The following TENM2 variants were observed in gnomAD, a reference collection of about 807,000 sequenced individuals.
The protein encoded by TENM2 is teneurin transmembrane protein 2.
A neutral mutation model predicts 245.2 loss-of-function variants in TENM2; 52 were observed. That is an observed-to-expected ratio of 0.21 (90% CI 0.17 to 0.27). TENM2 has a LOEUF of 0.27. TENM2 is among the 10% of genes least tolerant of loss of function. TENM2 has a pLI of 1.00. For synonymous variants in TENM2, 1,363 were observed against 1,438.9 expected, an observed-to-expected ratio of 0.95 and a Z score of 1.19; for missense variants, 3,046 against 3,666.8, an observed-to-expected ratio of 0.83 and a Z score of 4.37.
At chr5:167,712,068 G>C (rs188187789) in intron 2 of TENM2, among the ~76,000 whole-genome samples, 15 of 152,266 alleles carry the variant, frequency 9.9e-5, no homozygotes, top group Admixed American at 9.2e-4. Context: ...TATGAGAAGG[G>C]CTAGACTTTC....
At chr5:167,196,464 A>ATG in the TENM2 span, among the ~76,000 whole-genome samples, 1 of 149,536 alleles carries the variant, frequency 6.7e-6, no homozygotes, top group African/African-American at 2.5e-5. Context: ...GTATATATAT[A>ATG]TGTGTGTATA....
At chr5:167,889,224 C>T (rs1313166715) in intron 3 of TENM2, among the ~76,000 whole-genome samples, 1 of 152,142 alleles carries the variant, frequency 6.6e-6, no homozygotes, top group Non-Finnish European at 1.5e-5. Context: ...TCCCACCCCT[C>T]ACCCTCACTT....
the TENM2 span, among the ~76,000 whole-genome samples, chr5:167,052,097 T>C: frequency 5.3e-5 from 8 of 152,290 alleles, no homozygotes; most frequent in South Asian, 1.7e-3. Context: ...AAAGATAATG[T>C]TCGTTTAAAG....
intron 23 of TENM2, among the ~76,000 whole-genome samples, chr5:168,223,028 A>G (rs1390382903): frequency 7.2e-5 from 11 of 152,350 alleles, no homozygotes; most frequent in Admixed American, 5.9e-4. Flanking sequence ...TGGAACTTAC[A>G]GCGCTTCACT....
chr5:168,249,189 A>T (rs1361496213), intron 27 of TENM2, among the ~76,000 whole-genome samples: 1 of 151,986 alleles, frequency 6.6e-6, no homozygotes, highest in Admixed American at 6.6e-5. Flanking sequence ...ATGAAATGGT[A>T]TCTGCTTGTG....
intron 5 of TENM2, among the ~76,000 whole-genome samples, chr5:168,011,511 G>C (rs995637324): frequency 6.6e-6 from 1 of 152,130 alleles, no homozygotes; most frequent in Non-Finnish European, 1.5e-5. Flanking sequence ...GAAAATTCCT[G>C]CTCTAATTGA....
intron 8 of TENM2, among the ~76,000 whole-genome samples, chr5:168,096,090 G>A (rs1189153126): frequency 6.6e-6 from 1 of 152,176 alleles, no homozygotes; most frequent in Non-Finnish European, 1.5e-5. Flanking sequence ...ACTATACTGG[G>A]TAATAAGTAA....
At chr5:167,265,513 A>T in the TENM2 span, among the ~76,000 whole-genome samples, 1 of 152,026 alleles carries the variant, frequency 6.6e-6, no homozygotes, top group Non-Finnish European at 1.5e-5. Context: ...ACACATGCAA[A>T]ATTAACTCAA....
intron 5 of TENM2, among the ~76,000 whole-genome samples, chr5:168,035,708 G>C (rs1014135669): frequency 1.3e-5 from 2 of 152,110 alleles, no homozygotes; most frequent in Non-Finnish European, 2.9e-5. Flanking sequence ...TTCAAAGGCT[G>C]TTTCTGGGGC....
the TENM2 span, among the ~76,000 whole-genome samples, chr5:167,263,233 G>T: frequency 1.3e-5 from 2 of 152,320 alleles, no homozygotes; most frequent in Non-Finnish European, 2.9e-5. Flanking sequence ...CTATGTTAAT[G>T]TTTTATGTAA....
chr5:167,710,828 GT>G (rs1202090270), intron 2 of TENM2, among the ~76,000 whole-genome samples: 1 of 152,202 alleles, frequency 6.6e-6, no homozygotes, highest in Non-Finnish European at 1.5e-5. Context: ...CACAAAACGG[GT>G]TTAAGATGAA....
At chr5:167,657,642 G>C (rs1022358063) in intron 2 of TENM2, among the ~76,000 whole-genome samples, 1 of 152,158 alleles carries the variant, frequency 6.6e-6, no homozygotes, top group Non-Finnish European at 1.5e-5. Flanking sequence ...TTTCTGTAAA[G>C]AATAATAAAT....
intron 5 of TENM2, among the ~76,000 whole-genome samples, chr5:168,019,581 A>C (rs1381267711): frequency 1.3e-5 from 2 of 152,246 alleles, no homozygotes; most frequent in African/African-American, 4.8e-5. Context: ...TTTGCTCGAT[A>C]CTGGACAGAG....
intron 15 of TENM2, among the ~76,000 whole-genome samples, chr5:168,197,966 C>G (rs528014482): frequency 6.6e-6 from 1 of 152,076 alleles, no homozygotes; most frequent in African/African-American, 2.4e-5. Flanking sequence ...AACGTAGTAT[C>G]GTTATAATTA....
intron 2 of TENM2, among the ~76,000 whole-genome samples, chr5:167,456,515 T>A (rs1765932369): frequency 6.6e-6 from 1 of 152,174 alleles, no homozygotes; most frequent in African/African-American, 2.4e-5. Flanking sequence ...GTACTATGCC[T>A]TTATTCCAGA....
At chr5:167,587,505 C>T (rs1378387878) in intron 2 of TENM2, among the ~76,000 whole-genome samples, 1 of 152,108 alleles carries the variant, frequency 6.6e-6, no homozygotes, top group Non-Finnish European at 1.5e-5. Context: ...GATCAATGCA[C>T]ACTAGTGTTC....
At chr5:167,288,569 A>T (rs370826282) in intron 1 of TENM2, among the ~76,000 whole-genome samples, 1 of 152,096 alleles carries the variant, frequency 6.6e-6, no homozygotes, top group South Asian at 2.1e-4. Flanking sequence ...AAAAAAAAAA[A>T]AAAAAGAAAA....
the TENM2 span, among the ~76,000 whole-genome samples, chr5:167,137,471 T>TA: frequency 6.6e-6 from 1 of 152,124 alleles, no homozygotes; most frequent in Non-Finnish European, 1.5e-5. Flanking sequence ...GTGCCACACT[T>TA]AGGGAATGCT....
Position 167,412,878 on chromosome 5 carries a change from C to CAA in TENM2, c.502+37418_502+37419dup, listed in dbSNP as rs35434897. On this transcript the variant is annotated intron_variant, in intron 2 of 28. Coordinates refer to ENST00000518659, the Ensembl canonical transcript of TENM2. ...GAGTCTGAAAATATGTCATCGAAAG[C>CAA]AAAAAAAAAAAAAAGTGACTTCAAT... Among the ~76,000 whole-genome samples, 183 of 137,396 alleles carry CAA rather than the reference C, an allele frequency of 1.3e-3. 2 individuals carry two copies. The highest frequency in any genetic ancestry group is 4.8e-3 in the East Asian group (23 of 4,766). The allele number at this position is 137,396 out of a possible 152,430, so 90.1% of individuals were successfully genotyped here.
Sources: allele counts gnomAD v4.1 joint callset (sites outside exome capture counted in the v4.1 genomes callset), GRCh38; gene constraint gnomAD v4.1.1; transcripts MANE v1.5; gene names NCBI Gene and HGNC (gene_info 2026-07-23, HGNC 2026-07-21).